Variants in NR3C2 observed in about 807,000 individuals in gnomAD.
NR3C2 encodes nuclear receptor subfamily 3 group C member 2, also known as mineralocorticoid receptor.
A neutral mutation model predicts 86.4 loss-of-function variants in NR3C2; 15 were observed. The observed-to-expected ratio is 0.17, with a 90% CI of 0.12 to 0.27. NR3C2 has a LOEUF of 0.27. NR3C2 is among the 10% of genes least tolerant of loss of function. The pLI is 1.00. For synonymous variants in NR3C2, 458 were observed against 450.5 expected (o/e 1.02, Z -0.21); for missense variants, 960 against 1,195.6 (o/e 0.80, Z 2.91).
Position 148,260,185 on chromosome 4 carries a change from G to A in NR3C2, c.1758-68C>T. On this transcript the variant is annotated intron_variant, in intron 2 of 8. Transcript: ENST00000358102. Reference sequence around the variant, plus strand: ...CACATTTAACATGCTGCACAGCTTAGCTCAAAATTTGTCAATAATCATGGT... The same window carrying A: ...CACATTTAACATGCTGCACAGCTTAACTCAAAATTTGTCAATAATCATGGT... 3 of 1,595,276 alleles carry A rather than the reference G, an allele frequency of 1.9e-6. No individual in the cohort carries two copies. In the East Asian group the frequency reaches 6.8e-5, roughly 36 times the overall value.
chr4:148,404,496 G>C (rs1431329234), intron 2 of NR3C2, among the ~76,000 whole-genome samples: 1 of 151,986 alleles, frequency 6.6e-6, no homozygotes, highest in Non-Finnish European at 1.5e-5. Flanking sequence ...GCAGGGACAC[G>C]TTATCTGTGC....
intron 2 of NR3C2, among the ~76,000 whole-genome samples, chr4:148,322,935 T>A (rs1329728583): frequency 6.9e-6 from 1 of 145,932 alleles, no homozygotes; most frequent in Non-Finnish European, 1.5e-5. Context: ...ACTGCGTTCC[T>A]TTGGAGGAGG....
chr4:148,262,815 T>G (rs138437940), intron 2 of NR3C2, among the ~76,000 whole-genome samples: 38 of 152,306 alleles, frequency 2.5e-4, no homozygotes, highest in Middle Eastern at 3.4e-3. Context: ...CTAAAAAGCA[T>G]GGACTTGTCT....
At chr4:148,083,107 C>T (rs1282861061) in intron 8 of NR3C2, among the ~76,000 whole-genome samples, 1 of 152,198 alleles carries the variant, frequency 6.6e-6, no homozygotes, top group Non-Finnish European at 1.5e-5. Flanking sequence ...CCCCATCTCC[C>T]TGGGACAGAG....
At chr4:148,150,522 G>A (rs940747598) in intron 6 of NR3C2, among the ~76,000 whole-genome samples, 2 of 152,056 alleles carry the variant, frequency 1.3e-5, no homozygotes, top group African/African-American at 2.4e-5. Context: ...CATCTTAAAC[G>A]GTGAAATCAC....
At chr4:148,267,091 G>A (rs1298490026) in intron 2 of NR3C2, among the ~76,000 whole-genome samples, 2 of 152,084 alleles carry the variant, frequency 1.3e-5, no homozygotes, top group Non-Finnish European at 2.9e-5. Flanking sequence ...TATATGTCAG[G>A]TTTATTAACT....
rs377424569 is a variant in NR3C2, at chr4:148,187,368, CTG to C, written c.2014+7376_2014+7377del. ...TTTACCGCATCTATGCCAACATCTACTGTTTTTTTATTTTTTGATTATGGCCA... is the reference window on the plus strand; with the variant it reads ...TTTACCGCATCTATGCCAACATCTACTTTTTTTATTTTTTGATTATGGCCA... On this transcript the variant is annotated intron_variant, in intron 4 of 8. Coordinates refer to ENST00000358102, the MANE Select transcript of NR3C2 (RefSeq NM_000901.5). Among the ~76,000 whole-genome samples, 602 of 152,068 alleles carry C rather than the reference CTG, an allele frequency of 4.0e-3. 1 individual carries two copies. The highest frequency in any genetic ancestry group is 4.8e-3 in the Non-Finnish European group (328 of 67,978).
intron 3 of NR3C2, among the ~76,000 whole-genome samples, chr4:148,201,501 G>T (rs1736718400): frequency 6.6e-6 from 1 of 152,184 alleles, no homozygotes; most frequent in Admixed American, 6.5e-5. Flanking sequence ...ACAAATAAAA[G>T]AACTCAGAAG....
intron 2 of NR3C2, among the ~76,000 whole-genome samples, chr4:148,358,536 G>A (rs1294304248): frequency 1.3e-5 from 2 of 151,250 alleles, no homozygotes; most frequent in African/African-American, 4.9e-5. Context: ...ACGAGTTAGT[G>A]GATGCAGCGC....
chr4:148,297,794 C>G (rs1223272320), intron 2 of NR3C2, among the ~76,000 whole-genome samples: 1 of 151,640 alleles, frequency 6.6e-6, no homozygotes, highest in African/African-American at 2.4e-5. Flanking sequence ...GAGGCTGAGG[C>G]AGGAGAATTG....
rs574879459 is a variant in NR3C2, at chr4:148,404,957, T to C, written c.1757+30147A>G. On this transcript the variant is annotated intron_variant, in intron 2 of 8. Coordinates refer to ENST00000358102, the MANE Select transcript of NR3C2 (RefSeq NM_000901.5). ...CAATGCATGTGGAGAATTAGATGGT[T>C]CCAAACTCATGTATTAGATGTTTAC... Among the ~76,000 whole-genome samples, 44 of 152,308 alleles carry C rather than the reference T, an allele frequency of 2.9e-4. No homozygotes were observed. In the Middle Eastern group the frequency reaches 0.01, roughly 35 times the overall value.
At chr4:148,096,834 C>G (rs2149713645) in intron 8 of NR3C2, among the ~76,000 whole-genome samples, 1 of 152,326 alleles carries the variant, frequency 6.6e-6, no homozygotes, top group Non-Finnish European at 1.5e-5. Flanking sequence ...TAGCTGTAAC[C>G]AAGATTGTGT....
At chr4:148,444,684 G>T (rs951297314), upstream of NR3C2, 2 of 985,408 alleles carry the variant, frequency 2.0e-6, no homozygotes, top group Admixed American at 1.2e-4. Flanking sequence ...CCCTGCTGAC[G>T]GTGGGTAGAG....
At chr4:148,103,590 C>T (rs547012516) in intron 8 of NR3C2, among the ~76,000 whole-genome samples, 18 of 152,284 alleles carry the variant, frequency 1.2e-4, no homozygotes, top group African/African-American at 4.1e-4. Context: ...TTTAATGTAG[C>T]GTTCTGGTTA....
intron 6 of NR3C2, among the ~76,000 whole-genome samples, chr4:148,139,387 T>G (rs17580639): frequency 0.035 from 5,338 of 152,200 alleles, 145 homozygotes; most frequent in Non-Finnish European, 0.055. Context: ...GGAGATAGTA[T>G]TTAGCACGAC....
chr4:148,104,176 A>C (rs1731668332), intron 8 of NR3C2, among the ~76,000 whole-genome samples: 1 of 152,196 alleles, frequency 6.6e-6, no homozygotes, highest in African/African-American at 2.4e-5. Flanking sequence ...AGCCCTTAGT[A>C]ATCATTATAG....
chr4:148,380,555 C>G (rs769263885), intron 2 of NR3C2, among the ~76,000 whole-genome samples: 12 of 152,174 alleles, frequency 7.9e-5, no homozygotes, highest in Non-Finnish European at 1.6e-4. Flanking sequence ...ATTTTACATT[C>G]CCACCAGCAA....
At position 148,139,312 on chromosome 4, in the gene NR3C2, C is replaced by G. The variant is rs535007283; in HGVS notation, c.2510+13157G>C. Among the ~76,000 whole-genome samples the G allele has an allele frequency of 1.8e-3, 269 of 152,274 alleles. 2 individuals carry two copies. The highest frequency in any genetic ancestry group is 2.9e-3 in the Admixed American group (45 of 15,300). ...AAACTTTGGGCTTTGGTTTCCTCAT[C>G]TTTAAAAGCAGGATCATAAATTCCA... On this transcript the variant is annotated intron_variant, in intron 6 of 8. Coordinates refer to ENST00000358102, the MANE Select transcript of NR3C2 (RefSeq NM_000901.5).
chr4:148,392,168 C>A (rs1352923289), intron 2 of NR3C2, among the ~76,000 whole-genome samples: 1 of 152,124 alleles, frequency 6.6e-6, no homozygotes, highest in Non-Finnish European at 1.5e-5. Context: ...TAAGATCTGA[C>A]AGGACAAATA....
Sources: allele counts gnomAD v4.1 joint callset (sites outside exome capture counted in the v4.1 genomes callset), GRCh38; gene constraint gnomAD v4.1.1; transcripts MANE v1.5; gene names NCBI Gene and HGNC (gene_info 2026-07-23, HGNC 2026-07-21).